KDM4C: variants seen among roughly 807,000 people sequenced by gnomAD.
KDM4C encodes lysine demethylase 4C.
Under a neutral mutation model 129.3 loss-of-function variants are expected in KDM4C, and 81 were observed. That is an observed-to-expected ratio of 0.63 (90% CI 0.52 to 0.75). KDM4C has a LOEUF of 0.75. Among genes scored for constraint, KDM4C ranks in the 30% least tolerant of loss-of-function variants. The probability of loss-of-function intolerance (pLI) is 0.00; values close to 1 mark genes in which losing one functional copy is unlikely to be tolerated. For missense variants in KDM4C, 1,457 were observed against 1,304.0 expected (o/e 1.12, Z -1.81); for synonymous variants, 573 against 456.1 (o/e 1.26, Z -3.26).
intron 5 of KDM4C, among the ~76,000 whole-genome samples, chr9:6,878,031 G>A (rs574735913): frequency 9.8e-5 from 15 of 152,326 alleles, no homozygotes; most frequent in Middle Eastern, 3.4e-3. Context: ...ACAGGGATAA[G>A]CATGGAGATG....
At chr9:7,081,245 T>C (rs1330860509) in intron 17 of KDM4C, among the ~76,000 whole-genome samples, 1 of 152,144 alleles carries the variant, frequency 6.6e-6, no homozygotes, top group East Asian at 1.9e-4. Flanking sequence ...CGTAGACACG[T>C]AGATATGGGG....
At chr9:7,161,059 G>C (rs536035446) in intron 19 of KDM4C, among the ~76,000 whole-genome samples, 157 of 152,278 alleles carry the variant, frequency 1.0e-3, no homozygotes, top group African/African-American at 3.7e-3. Context: ...CCCCCAACCA[G>C]GCTGCCACCT....
chr9:7,173,500 A>G (rs7022054), intron 21 of KDM4C, among the ~76,000 whole-genome samples: 83,239 of 152,060 alleles, frequency 0.55, 22,911 homozygotes, highest in East Asian at 0.64. Flanking sequence ...GAGGGCTTTT[A>G]GAGAGCTTTC....
At chr9:7,036,781 T>C (rs1827724537) in intron 15 of KDM4C, among the ~76,000 whole-genome samples, 1 of 152,174 alleles carries the variant, frequency 6.6e-6, no homozygotes, top group African/African-American at 2.4e-5. Context: ...CCCCCCGATA[T>C]AAGTCAACTG....
At chr9:6,855,265 C>T (rs1247687076) in intron 5 of KDM4C, among the ~76,000 whole-genome samples, 1 of 151,876 alleles carries the variant, frequency 6.6e-6, no homozygotes, top group African/African-American at 2.4e-5. Context: ...TCGAGACTAG[C>T]CTGGCCAACA....
At chr9:6,747,003 CAAAAAAAAAAAAA>C (rs58512756) in intron 1 of KDM4C, among the ~76,000 whole-genome samples, 194 of 50,550 alleles carry the variant, frequency 3.8e-3, no homozygotes, top group Non-Finnish European at 5.4e-3. Context: ...GACTCCGTCT[CAAAAAAAAAAAAA>C]AAAAAAAAAA....
At chr9:6,793,794 C>A (rs374286022) in intron 2 of KDM4C, among the ~76,000 whole-genome samples, 36 of 152,056 alleles carry the variant, frequency 2.4e-4, no homozygotes, top group African/African-American at 7.2e-4. Context: ...CCATCCGCCT[C>A]GGCTTCCCAA....
intron 19 of KDM4C, among the ~76,000 whole-genome samples, chr9:7,137,171 G>A (rs1841299335): frequency 6.6e-6 from 1 of 152,176 alleles, no homozygotes; most frequent in South Asian, 2.1e-4. Flanking sequence ...AAGGGAGTCA[G>A]GGCATTGGCG....
intron 6 of KDM4C, among the ~76,000 whole-genome samples, 169 bp downstream of exon 6, chr9:6,880,230 T>A (rs1189625359): frequency 6.6e-6 from 1 of 152,200 alleles, no homozygotes; most frequent in Non-Finnish European, 1.5e-5. Flanking sequence ...TTTAAATTTT[T>A]TCACCTTAGT....
intron 8 of KDM4C, among the ~76,000 whole-genome samples, chr9:6,937,958 C>G (rs1319054103): frequency 6.6e-6 from 1 of 152,126 alleles, no homozygotes; most frequent in African/African-American, 2.4e-5. Context: ...GTGATCTGCC[C>G]TCCTTGGCCT....
At chr9:7,155,191 G>T (rs1252227541) in intron 19 of KDM4C, among the ~76,000 whole-genome samples, 1 of 152,130 alleles carries the variant, frequency 6.6e-6, no homozygotes, top group Non-Finnish European at 1.5e-5. Context: ...GCTTTGAGAA[G>T]CTGTGCTCTA....
At chr9:6,901,337 G>A (rs1241522389) in intron 8 of KDM4C, among the ~76,000 whole-genome samples, 2 of 152,214 alleles carry the variant, frequency 1.3e-5, no homozygotes, top group African/African-American at 4.8e-5. Context: ...CTGCTGAGGT[G>A]ACACACAGTG....
At chr9:6,919,223 C>CTTCTTTTCTTTCT (rs1554643689) in intron 8 of KDM4C, among the ~76,000 whole-genome samples, 3 of 108,914 alleles carry the variant, frequency 2.8e-5, no homozygotes, top group Non-Finnish European at 6.3e-5. Flanking sequence ...TTTCTTTTTC[C>CTTCTTTTCTTTCT]TTCTTTCTTT....
rs537123771 is a variant in KDM4C at position 6,972,417 on chromosome 9, A to C, written c.922-8508A>C. On this transcript the variant is annotated intron_variant, in intron 8 of 21. Transcript: ENST00000381309. ...TACATGGTTATACCATAATTTTTTA[A>C]AGGAGTATTAGAAAATTTTTTTCTA... Among the ~76,000 whole-genome samples, 7 of 152,266 alleles carry C rather than the reference A, an allele frequency of 4.6e-5. No individual in the cohort carries two copies. In the East Asian group the frequency reaches 1.2e-3, roughly 25 times the overall value.
At chr9:6,884,040 C>T (rs1258390935) in intron 6 of KDM4C, among the ~76,000 whole-genome samples, 1 of 152,132 alleles carries the variant, frequency 6.6e-6, no homozygotes, top group African/African-American at 2.4e-5. Context: ...ACAACGCGCA[C>T]CATGTCTAGG....
chr9:7,155,843 G>C lies in KDM4C; in HGVS notation c.2782-9395G>C, dbSNP rs147423152. ...TACATGTGCATGTGTCTTTATAGTA[G>C]CATGATTTATAATCCTTTGGGAATA... On this transcript the variant is annotated intron_variant, in intron 19 of 21. Coordinates refer to ENST00000381309, the MANE Select transcript of KDM4C (RefSeq NM_015061.6). Among the ~76,000 whole-genome samples, 928 of 152,276 alleles carry C rather than the reference G, an allele frequency of 6.1e-3. 7 individuals carry two copies. The highest frequency in any genetic ancestry group is 0.021 in the African/African-American group (883 of 41,552).
At chr9:6,824,687 A>G (rs1013466040) in intron 4 of KDM4C, among the ~76,000 whole-genome samples, 1 of 152,054 alleles carries the variant, frequency 6.6e-6, no homozygotes, top group Non-Finnish European at 1.5e-5. Flanking sequence ...TTAATTCATT[A>G]AAACAGTCCA....
chr9:6,830,066 C>A (rs1489493811), intron 4 of KDM4C, among the ~76,000 whole-genome samples: 1 of 151,940 alleles, frequency 6.6e-6, no homozygotes, highest in African/African-American at 2.4e-5. Flanking sequence ...TGTTTCTGTA[C>A]CAAAATTTTT....
chr9:7,048,947 A>G (rs1829783427), intron 16 of KDM4C, 145 bp from the exon 17 acceptor site: 1 of 574,302 alleles, frequency 1.7e-6, no homozygotes, highest in Non-Finnish European at 3.1e-6. Context: ...GGAGGTTTAC[A>G]GTTCAGAATC....
Sources: allele counts gnomAD v4.1 joint callset (sites outside exome capture counted in the v4.1 genomes callset), GRCh38; gene constraint gnomAD v4.1.1; transcripts MANE v1.5; gene names NCBI Gene and HGNC (gene_info 2026-07-23, HGNC 2026-07-21).